Variants in SEMA5A observed in about 807,000 individuals in gnomAD.
SEMA5A encodes semaphorin 5A.
SEMA5A carries 55 observed loss-of-function variants against 135.5 expected under a neutral mutation model. That is an observed-to-expected ratio of 0.41 (90% CI 0.33 to 0.51). The LOEUF is 0.51. Among genes scored for constraint, SEMA5A ranks in the 20% least tolerant of loss-of-function variants. The pLI, the probability that SEMA5A is intolerant of heterozygous loss-of-function variation, is 0.37. For synonymous variants in SEMA5A, 580 were observed against 546.5 expected (o/e 1.06, Z -0.85); for missense variants, 1,290 against 1,419.9 (o/e 0.91, Z 1.47).
chr5:9,255,577 G>T (rs556457517), intron 5 of SEMA5A, among the ~76,000 whole-genome samples: 1 of 152,216 alleles, frequency 6.6e-6, no homozygotes, highest in South Asian at 2.1e-4. Flanking sequence ...TCTGCCCATG[G>T]CTCATCCTGT....
At chr5:9,136,417 A>G in intron 13 of SEMA5A, 87 bp downstream of exon 13, 1 of 1,103,110 alleles carries the variant, frequency 9.1e-7, no homozygotes, top group Non-Finnish European at 1.4e-6. Context: ...AAAGGTGCAG[A>G]CAGCGTGACA....
intron 12 of SEMA5A, among the ~76,000 whole-genome samples, chr5:9,147,530 A>G (rs1742403880): frequency 6.6e-6 from 1 of 152,022 alleles, no homozygotes; most frequent in African/African-American, 2.4e-5. Context: ...TCAGCCTCCC[A>G]AAGTGCGGGG....
intron 21 of SEMA5A, among the ~76,000 whole-genome samples, chr5:9,049,907 A>G (rs986673981): frequency 6.6e-6 from 1 of 152,250 alleles, no homozygotes; most frequent in African/African-American, 2.4e-5. Flanking sequence ...GTATAACCTT[A>G]TGCCTCATTA....
chr5:9,384,237 A>G (rs1231197264), intron 2 of SEMA5A, among the ~76,000 whole-genome samples: 1 of 152,078 alleles, frequency 6.6e-6, no homozygotes, highest in Non-Finnish European at 1.5e-5. Flanking sequence ...AGCTCTAAAT[A>G]GCAGGTCCCT....
intron 16 of SEMA5A, among the ~76,000 whole-genome samples, chr5:9,090,551 C>A (rs2150123104): frequency 6.6e-6 from 1 of 152,322 alleles, no homozygotes; most frequent in African/African-American, 2.4e-5. Context: ...ACTTCTGGTG[C>A]AACTGTTTGA....
chr5:9,419,913 T>C (rs893272482), intron 2 of SEMA5A, among the ~76,000 whole-genome samples: 4 of 152,176 alleles, frequency 2.6e-5, no homozygotes, highest in Admixed American at 2.6e-4. Context: ...AAAAGTTATG[T>C]CTAGAGTAGA....
intron 16 of SEMA5A, among the ~76,000 whole-genome samples, chr5:9,088,314 A>G (rs1335297525): frequency 4.0e-5 from 6 of 150,846 alleles, no homozygotes; most frequent in Non-Finnish European, 5.9e-5. Context: ...AAAAAAAAAA[A>G]AAAAGAAAAG....
In SEMA5A at chr5:9,212,872, C is replaced by T. The variant is rs60683489; in HGVS notation, c.647-10632G>A. 6.2e-3 allele frequency among the ~76,000 whole-genome samples: 943 copies of T among 152,330 alleles called. 8 individuals carry two copies. The highest frequency in any genetic ancestry group is 0.021 in the African/African-American group (882 of 41,566). ...GGAAAACAAAGAAGTCAACTATCTA[C>T]CCATTGTCTTCATCTATTCCAGCTG... On this transcript the variant is annotated intron_variant, in intron 8 of 22. Coordinates refer to ENST00000382496, the MANE Select transcript of SEMA5A (RefSeq NM_003966.3).
chr5:9,391,804 C>G (rs1291282376), intron 2 of SEMA5A, among the ~76,000 whole-genome samples: 1 of 152,148 alleles, frequency 6.6e-6, no homozygotes, highest in African/African-American at 2.4e-5. Context: ...GTAAAGAGCT[C>G]ATCTGATTAA....
chr5:9,107,492 G>A (rs1487583318), intron 16 of SEMA5A, among the ~76,000 whole-genome samples: 1 of 152,072 alleles, frequency 6.6e-6, no homozygotes, highest in African/African-American at 2.4e-5. Context: ...TCTATACCTT[G>A]GTGTAGGCCT....
At chr5:9,213,866 G>C (rs2150392948) in intron 8 of SEMA5A, among the ~76,000 whole-genome samples, 1 of 152,244 alleles carries the variant, frequency 6.6e-6, no homozygotes, top group African/African-American at 2.4e-5. Context: ...ACATAGATGA[G>C]GACAGGAAGG....
chr5:9,283,999 T>C (rs1001439435), intron 5 of SEMA5A, among the ~76,000 whole-genome samples: 1 of 151,744 alleles, frequency 6.6e-6, no homozygotes, highest in Non-Finnish European at 1.5e-5. Flanking sequence ...GATAGATAGA[T>C]AGATAACAGA....
chr5:9,081,235 CTG>C (rs1738366675), intron 16 of SEMA5A, among the ~76,000 whole-genome samples: 1 of 152,170 alleles, frequency 6.6e-6, no homozygotes. Flanking sequence ...ACAGAAAAGA[CTG>C]TAGCTCTGGC....
rs1241520560 is a variant in SEMA5A, at chr5:9,204,390, C to A, written c.647-2150G>T. On this transcript the variant is annotated intron_variant, in intron 8 of 22. Coordinates refer to ENST00000382496, the MANE Select transcript of SEMA5A (RefSeq NM_003966.3). The surrounding 1 kb of genome is among the most constrained non-coding windows in gnomAD (Gnocchi z 6.4). ...AACTTGGGGACAAATGGCATGAAAA[C>A]CACATAGTAAATAGCTCCAGTTTCT... Among the ~76,000 whole-genome samples, 1 of 152,148 alleles carries A rather than the reference C, an allele frequency of 6.6e-6. No homozygotes were observed. Among genetic ancestry groups the A allele is most frequent in the African/African-American group, 2.4e-5 (1 of 41,418 alleles).
intron 5 of SEMA5A, among the ~76,000 whole-genome samples, chr5:9,311,191 C>T (rs1752114711): frequency 6.6e-6 from 1 of 151,990 alleles, no homozygotes; most frequent in Non-Finnish European, 1.5e-5. Context: ...GGTACCACCC[C>T]TGGTCTCTAC....
rs149304655 is a variant in SEMA5A, at chr5:9,049,553, G to A, written c.2893+857C>T. Among the ~76,000 whole-genome samples, 178 of 152,358 alleles carry A rather than the reference G, an allele frequency of 1.2e-3. 1 individual carries two copies. The highest frequency in any genetic ancestry group is 4.0e-3 in the African/African-American group (168 of 41,584). On this transcript the variant is annotated intron_variant, in intron 21 of 22. Transcript: ENST00000382496. The stretch of plus-strand genomic sequence containing the variant: ...ATGCCTATGAAGCTTCAGGTTCCAT[G>A]TGAACATGTCAGAGGCAATGCCTGT...
At position 9,339,475 on chromosome 5, in the gene SEMA5A, G is replaced by A. The variant is rs76514107; in HGVS notation, c.125-1663C>T. ...CAAAAGAGAACCCAATGGCTCTTGC[G>A]TCTGCATTGCTCCCTGCAGTGCATG... On this transcript the variant is annotated intron_variant, in intron 3 of 22. Transcript: ENST00000382496. Among the ~76,000 whole-genome samples, 734 of 152,322 alleles carry A rather than the reference G, an allele frequency of 4.8e-3. 7 individuals are homozygous for A. The highest frequency in any genetic ancestry group is 0.017 in the African/African-American group (694 of 41,562).
chr5:9,149,176 T>TTG (rs1407867850), intron 12 of SEMA5A, among the ~76,000 whole-genome samples: 1 of 152,216 alleles, frequency 6.6e-6, no homozygotes, highest in Non-Finnish European at 1.5e-5. Flanking sequence ...GACCCACACA[T>TTG]CTACCCATTC....
chr5:9,461,870 T>C (rs1038851662), intron 1 of SEMA5A, among the ~76,000 whole-genome samples: 2 of 152,210 alleles, frequency 1.3e-5, no homozygotes, highest in Admixed American at 1.3e-4. Context: ...ATGCTTGGCA[T>C]TTATCATTCT....
Sources: gnomAD v4.1 joint callset for allele counts (sites outside exome capture counted in the v4.1 genomes callset) on GRCh38, gnomAD v4.1.1 for gene constraint, Gnocchi (gnomAD v3.1) non-coding constraint, MANE v1.5 for transcripts, NCBI Gene and HGNC (gene_info 2026-07-23, HGNC 2026-07-21) for gene names.